The following SMG1 variants were observed in gnomAD, a reference collection of about 807,000 sequenced individuals.
SMG1 encodes SMG1 nonsense mediated mRNA decay associated PI3K related kinase, also known as serine/threonine-protein kinase SMG1.
Under a neutral mutation model 419.9 loss-of-function variants are expected in SMG1, and 22 were observed. The ratio of observed to expected loss-of-function variants is 0.05; its 90% CI spans 0.04 to 0.07. The LOEUF is 0.07. Among genes scored for constraint, SMG1 ranks in the 10% least tolerant of loss-of-function variants. The pLI, the probability that SMG1 is intolerant of heterozygous loss-of-function variation, is 1.00. For missense variants in SMG1, 3,185 were observed against 4,342.0 expected, an observed-to-expected ratio of 0.73 and a Z score of 7.49; for synonymous variants, 1,538 against 1,553.5, an observed-to-expected ratio of 0.99 and a Z score of 0.23.
rs1175129673 is a variant in SMG1 at position 18,849,285 on chromosome 16, G to C, written c.5555C>G (p.Ser1852Cys). ...TGCAGGATACAATATGAGATGTGGG[G>C]AATCTTGAGCCACACGGCAGAGAAG... is the stretch of plus-strand genomic sequence containing the variant. ...CNLLCRVAQD[S>C]PHLILYPAIV... The change falls in exon 36 of 63, where the codon TCC (serine) becomes TGC (cysteine). Residue 1852 changes from serine to cysteine, a missense_variant. By Grantham distance (112) the Ser-to-Cys change is moderately radical. Transcript: ENST00000446231. The C allele has an allele frequency of 6.2e-7, 1 of 1,613,644 alleles. No individual in the cohort carries two copies. The highest frequency in any genetic ancestry group is 8.5e-7 in the Non-Finnish European group (1 of 1,179,702).
At position 18,817,410 on chromosome 16, in the gene SMG1, C is replaced by T. The variant is rs944295433; in HGVS notation, c.9955G>A (p.Ala3319Thr). 2 of 1,603,166 alleles carry T rather than the reference C, an allele frequency of 1.2e-6. No homozygotes were observed. Among genetic ancestry groups the T allele is most frequent in the African/African-American group, 2.7e-5 (2 of 74,786 alleles). The change falls in exon 57 of 63, where the codon GCC becomes ACC. Residue 3319 changes from alanine to threonine, a missense_variant. Physicochemically the swap from Ala to Thr is moderately conservative, Grantham distance 58. This residue lies in a region of SMG1 where 737 missense variants were observed against 846.6 expected (regional missense o/e 0.87). Transcript: ENST00000446231. The part of the protein sequence containing the change: ...FESLRTRTAE[A>T]LNLDAALFEL... ...AATAACGCCGCATCCAGGTTTAAGGCTTCTGCAGTTCTTGTTCGTAAACTT... is the reference window on the plus strand; with the variant it reads ...AATAACGCCGCATCCAGGTTTAAGGTTTCTGCAGTTCTTGTTCGTAAACTT...
rs1313121747 is a variant in SMG1 at position 18,841,595 on chromosome 16, T to C, written c.6666A>G (p.Gln2222=). The C allele has an allele frequency of 6.2e-7, 1 of 1,613,884 alleles. No individual in the cohort carries two copies. The highest frequency in any genetic ancestry group is 8.5e-7 in the Non-Finnish European group (1 of 1,179,896). The stretch of plus-strand genomic sequence containing the variant: ...GTGCTTGTAAGGCAGCTTCCCGTTG[T>C]TGCCATCGTTTGTAAAGACCAAATA... ...TPLFGLYKRW[Q]QREAALQAQK... is the part of the protein sequence containing the mutation. Residue 2222 remains glutamine (Q), a synonymous_variant, in exon 41 of 63, where the codon CAA becomes CAG. Transcript: ENST00000446231.
In SMG1 at chr16:18,872,636, C is replaced by A; in HGVS notation, c.1891-12G>T. 7.2e-7 allele frequency: 1 copy of A among 1,386,330 alleles called. No homozygotes were observed. 85.9% of individuals were successfully genotyped at this position (1,386,330 alleles called of 1,614,324 possible). ...GATAGCGCCCACATCTGATCATGTA[C>A]AAAACAAAGTAAGTTTATGGCTTCT... On this transcript the variant is annotated splice_polypyrimidine_tract_variant and intron_variant, in intron 13 of 62. Transcript: ENST00000446231.
chr16:18,919,699 C>A (rs1348294036), intron 1 of SMG1, among the ~76,000 whole-genome samples: 1 of 135,428 alleles, frequency 7.4e-6, no homozygotes, highest in African/African-American at 2.7e-5. Context: ...CACACACACA[C>A]AATCTCCCTA....
At chr16:18,816,241 AACT>A in intron 58 of SMG1, 58 bp downstream of exon 58, 1 of 1,294,470 alleles carries the variant, frequency 7.7e-7, no homozygotes, top group Non-Finnish European at 1.1e-6. Context: ...CTATAAATAA[AACT>A]ACTTGTAAAT....
At chr16:18,901,957 G>C (rs377202454) in intron 1 of SMG1, among the ~76,000 whole-genome samples, 1 of 149,714 alleles carries the variant, frequency 6.7e-6, no homozygotes, top group Non-Finnish European at 1.5e-5. Context: ...AAAAAAAAGG[G>C]GGGGGTGGCG....
In SMG1 at chr16:18,841,628, G is replaced by T. The variant is rs1484798024; in HGVS notation, c.6633C>A (p.Ala2211=). The change falls in exon 41 of 63, where the codon GCC becomes GCA. Residue 2211 remains alanine (A), a synonymous_variant. Transcript: ENST00000446231. ...GTTTGTAAAGACCAAATAAGGGTGT[G>T]GCTCCATCTACCCACTGGATTAGTC... is the stretch of plus-strand genomic sequence containing the variant. The part of the protein sequence containing the change: ...RSGLIQWVDG[A]TPLFGLYKRW... The T allele has an allele frequency of 2.5e-6, 4 of 1,613,774 alleles. No homozygotes were observed. Among genetic ancestry groups the T allele is most frequent in the Non-Finnish European group, 3.4e-6 (4 of 1,179,886 alleles).
In SMG1 at chr16:18,828,114, G is replaced by C. The variant is rs1245287151; in HGVS notation, c.9658C>G (p.Pro3220Ala). Residue 3220 changes from proline (P) to alanine (A), a missense_variant, in exon 55 of 63, where the codon CCC (proline) becomes GCC (alanine). Coordinates refer to ENST00000446231, the MANE Select transcript of SMG1 (RefSeq NM_015092.5). ...NRPQAMSVTP[P>A]PRSAILTSMK... is the part of the protein sequence containing the mutation. ...CTGGTTAGGATAGCAGACCGTGGGGGAGGTGTGACTGACATGGCTTGTGGT... is the reference window on the plus strand; with the variant it reads ...CTGGTTAGGATAGCAGACCGTGGGGCAGGTGTGACTGACATGGCTTGTGGT... The C allele has an allele frequency of 3.1e-6, 5 of 1,613,598 alleles. No homozygotes were observed. In the African/African-American group the frequency reaches 6.7e-5, roughly 22 times the overall value.
chr16:18,884,430 C>G (rs2036532436), intron 8 of SMG1, among the ~76,000 whole-genome samples: 1 of 152,058 alleles, frequency 6.6e-6, no homozygotes, highest in Admixed American at 6.6e-5. Flanking sequence ...AATTTCATAT[C>G]TATATTGTCA....
intron 36 of SMG1, among the ~76,000 whole-genome samples, chr16:18,848,453 C>A (rs2034394753): frequency 6.6e-6 from 1 of 151,798 alleles, no homozygotes; most frequent in Non-Finnish European, 1.5e-5. Flanking sequence ...ATAGCTGGGA[C>A]TACAGGTGTG....
chr16:18,815,406 T>C (rs779168154), intron 59 of SMG1, 34 bp downstream of exon 59: 80 of 1,606,372 alleles, frequency 5.0e-5, no homozygotes, highest in Non-Finnish European at 6.3e-5. Context: ...TTTGTACTTA[T>C]GTTTTATAAA....
At chr16:18,921,529 C>G (rs952553316) in intron 1 of SMG1, among the ~76,000 whole-genome samples, 4 of 152,118 alleles carry the variant, frequency 2.6e-5, no homozygotes, top group African/African-American at 9.7e-5. Context: ...CTGGAAATCA[C>G]TGAATTCTAT....
intron 3 of SMG1, among the ~76,000 whole-genome samples, chr16:18,895,730 T>C (rs1368556775): frequency 1.3e-5 from 2 of 151,710 alleles, no homozygotes; most frequent in Non-Finnish European, 1.5e-5. Context: ...TCTCTATATA[T>C]ATCTATATCC....
In SMG1 at chr16:18,852,213, A is replaced by C. The variant is rs760140212; in HGVS notation, c.4914-8T>G. On this transcript the variant is annotated splice_region_variant and splice_polypyrimidine_tract_variant and intron_variant, in intron 32 of 62. Transcript: ENST00000446231. ...CGAACACCTTCTCCCTGACTATAAA[A>C]ATAAACAAGTCATCAGTATTTCAGC... 3.6e-5 allele frequency: 58 copies of C among 1,610,422 alleles called. No individual in the cohort carries two copies. In the East Asian group the frequency reaches 1.3e-3, roughly 35 times the overall value.
chr16:18,890,653 A>G (rs1343812709), intron 5 of SMG1, among the ~76,000 whole-genome samples: 2 of 152,260 alleles, frequency 1.3e-5, no homozygotes, highest in East Asian at 3.9e-4. Context: ...CCGGCTCAAA[A>G]AATAAATAAA....
intron 31 of SMG1, among the ~76,000 whole-genome samples, 163 bp downstream of exon 31, chr16:18,853,420 G>A (rs1316534679): frequency 2.6e-5 from 4 of 152,088 alleles, no homozygotes; most frequent in Non-Finnish European, 5.9e-5. Flanking sequence ...AATGGCATTC[G>A]ATCCTAAATA....
chr16:18,851,541 T>G (rs1224271211), intron 33 of SMG1, among the ~76,000 whole-genome samples: 1 of 152,228 alleles, frequency 6.6e-6, no homozygotes, highest in African/African-American at 2.4e-5. Context: ...AAATGTAATT[T>G]ACCTAAAATG....
At position 18,882,252 on chromosome 16, in the gene SMG1, G is replaced by C. The variant is rs2036431699; in HGVS notation, c.1206C>G (p.Leu402=). The C allele has an allele frequency of 6.2e-7, 1 of 1,610,506 alleles. No individual in the cohort carries two copies. The highest frequency in any genetic ancestry group is 8.5e-7 in the Non-Finnish European group (1 of 1,179,170). The change falls in exon 10 of 63, where the codon CTC becomes CTG. Residue 402 remains leucine (L), a synonymous_variant. Coordinates refer to ENST00000446231, the MANE Select transcript of SMG1 (RefSeq NM_015092.5). The stretch of plus-strand genomic sequence containing the variant: ...TCCTCACCACAGTACTAAATACCCG[G>C]AGAAGTGCAGCCAGCTTTGGTAATG... The part of the protein sequence containing the change: ...SVSLPKLAAL[L]RVFSTVVRSI...
chr16:18,920,721 G>A (rs1197839505), intron 1 of SMG1, among the ~76,000 whole-genome samples: 1 of 151,740 alleles, frequency 6.6e-6, no homozygotes, highest in Non-Finnish European at 1.5e-5. Context: ...TGCACGTGTG[G>A]TCCCAGCTAT....
Sources: gnomAD v4.1 joint callset for allele counts (sites outside exome capture counted in the v4.1 genomes callset) on GRCh38, gnomAD v4.1.1 for gene constraint, gnomAD v4.1.1 regional missense constraint, MANE v1.5 for transcripts, NCBI Gene and HGNC (gene_info 2026-07-23, HGNC 2026-07-21) for gene names.